CDC42BPA: variants seen among roughly 807,000 people sequenced by gnomAD.
CDC42BPA encodes serine/threonine-protein kinase MRCK alpha.
Under a neutral mutation model 223.5 loss-of-function variants are expected in CDC42BPA, and 80 were observed. The observed-to-expected ratio is 0.36, with a 90% confidence interval of 0.30 to 0.43. The LOEUF (loss-of-function observed/expected upper bound fraction) is 0.43. Among genes scored for constraint, CDC42BPA ranks in the 20% least tolerant of loss-of-function variants. The pLI, the probability that CDC42BPA is intolerant of heterozygous loss-of-function variation, is 1.00. For synonymous variants in CDC42BPA, 694 were observed against 718.6 expected, an observed-to-expected ratio of 0.97 and a Z score of 0.55; for missense variants, 1,743 against 2,099.9, an observed-to-expected ratio of 0.83 and a Z score of 3.32.
intron 1 of CDC42BPA, among the ~76,000 whole-genome samples, chr1:227,285,532 C>T (rs560277277): frequency 4.6e-5 from 7 of 152,318 alleles, no homozygotes; most frequent in African/African-American, 1.7e-4. Context: ...TAGGCCAAAA[C>T]CAAGCCAGGT....
intron 3 of CDC42BPA, among the ~76,000 whole-genome samples, chr1:227,206,255 C>T (rs765665424): frequency 2.0e-5 from 3 of 152,070 alleles, no homozygotes; most frequent in Admixed American, 6.6e-5. Flanking sequence ...ATTTAGGAGG[C>T]TGTTGATAAA....
At chr1:227,004,919 A>G (rs781383690) in intron 35 of CDC42BPA, 75 bp downstream of exon 35, 31 of 968,112 alleles carry the variant, frequency 3.2e-5, no homozygotes, top group Non-Finnish European at 1.0e-5. Flanking sequence ...AGGACATGTC[A>G]CCCACGGGAC....
At chr1:227,049,244 A>T (rs1420709769) in intron 22 of CDC42BPA, among the ~76,000 whole-genome samples, 1 of 148,972 alleles carries the variant, frequency 6.7e-6, no homozygotes, top group East Asian at 2.0e-4. Flanking sequence ...AAAAAAAATT[A>T]AGCAAGGGTG....
chr1:227,033,573 G>A (rs2148686017), intron 26 of CDC42BPA, among the ~76,000 whole-genome samples, 158 bp from the exon 27 acceptor site: 1 of 152,162 alleles, frequency 6.6e-6, no homozygotes, highest in South Asian at 2.1e-4. Flanking sequence ...AATTAATAGT[G>A]CCCCAAATAA....
chr1:227,048,315 T>C (rs16846872), intron 22 of CDC42BPA, among the ~76,000 whole-genome samples: 23,462 of 151,958 alleles, frequency 0.15, 2,200 homozygotes, highest in African/African-American at 0.25. Context: ...GTGGCCTACA[T>C]AAATATGAGG....
intron 10 of CDC42BPA, among the ~76,000 whole-genome samples, chr1:227,134,668 C>T (rs6700137): frequency 0.72 from 108,963 of 152,078 alleles, 39,236 homozygotes; most frequent in South Asian, 0.86. Context: ...ACTCAATAAA[C>T]AGCTAATAAA....
intron 2 of CDC42BPA, among the ~76,000 whole-genome samples, chr1:227,213,777 G>C (rs1365360163): frequency 6.6e-6 from 1 of 151,492 alleles, no homozygotes; most frequent in African/African-American, 2.4e-5. Flanking sequence ...ATATACATAC[G>C]CATAGAGAGC....
intron 10 of CDC42BPA, among the ~76,000 whole-genome samples, chr1:227,132,401 G>C (rs7415650): frequency 6.6e-6 from 1 of 151,206 alleles, no homozygotes; most frequent in Non-Finnish European, 1.5e-5. Context: ...CCGAGGTGCC[G>C]GGATTGCAGA....
intron 5 of CDC42BPA, among the ~76,000 whole-genome samples, chr1:227,163,138 G>GTTTCCAAACATA: frequency 1.3e-5 from 1 of 76,830 alleles, no homozygotes; most frequent in African/African-American, 4.8e-5. Flanking sequence ...ACATATGTGT[G>GTTTCCAAACATA]TGTATGTTTC....
rs1246220788 is a variant in CDC42BPA, at chr1:227,317,805, G to C, written c.-623C>G. ...GGTCCCTGAAGCAGCCCCTCGGCTC[G>C]GAGCACGCCAAGTCTTGCCCGGAGG... On this transcript the variant is annotated 5_prime_UTR_variant, in exon 1 of 37. Transcript: ENST00000366766. 2 of 398,550 alleles carry C rather than the reference G, an allele frequency of 5.0e-6. No individual in the cohort carries two copies. The highest frequency in any genetic ancestry group is 2.1e-5 in the African/African-American group (1 of 48,644). The allele number at this position is 398,550 out of a possible 1,614,324, so 24.7% of individuals were successfully genotyped here. A position where few individuals can be genotyped will look rare whatever the true frequency, so the allele number is the denominator to read the frequency against.
At chr1:227,117,137 T>C (rs629571) in intron 12 of CDC42BPA, among the ~76,000 whole-genome samples, 10,532 of 152,202 alleles carry the variant, frequency 0.069, 557 homozygotes, top group East Asian at 0.25. Context: ...TCTCTTGGGG[T>C]AAGACTTGGC....
chr1:227,039,348 A>G (rs1296323618), intron 24 of CDC42BPA, among the ~76,000 whole-genome samples: 3 of 152,124 alleles, frequency 2.0e-5, no homozygotes, highest in African/African-American at 7.2e-5. Context: ...GTTTATTTTT[A>G]TTTTTAAATT....
chr1:226,998,492 G>A (rs181568744), intron 35 of CDC42BPA, among the ~76,000 whole-genome samples: 44 of 152,086 alleles, frequency 2.9e-4, no homozygotes, highest in Admixed American at 1.4e-3. Context: ...GTAATGCCAC[G>A]TATCTACAAC....
At chr1:227,156,535 G>T (rs1394488068) in intron 6 of CDC42BPA, among the ~76,000 whole-genome samples, 1 of 151,536 alleles carries the variant, frequency 6.6e-6, no homozygotes, top group Admixed American at 6.6e-5. Context: ...TTATGTCCAA[G>T]AAAACCATTT....
chr1:227,287,221 A>ACTGTTT (rs1326838280), intron 1 of CDC42BPA, among the ~76,000 whole-genome samples: 1 of 152,168 alleles, frequency 6.6e-6, no homozygotes, highest in East Asian at 1.9e-4. Flanking sequence ...CTCCAAAAGT[A>ACTGTTT]CTGTTTCGTA....
intron 21 of CDC42BPA, among the ~76,000 whole-genome samples, chr1:227,055,722 A>G (rs73091742): frequency 0.15 from 23,489 of 152,176 alleles, 2,199 homozygotes; most frequent in African/African-American, 0.25. Context: ...ATAAACATAC[A>G]TAAGTAGCAG....
At chr1:227,018,263 A>G (rs949578696) in intron 32 of CDC42BPA, among the ~76,000 whole-genome samples, 1 of 152,114 alleles carries the variant, frequency 6.6e-6, no homozygotes, top group African/African-American at 2.4e-5. Flanking sequence ...CAAATTTGGA[A>G]TTTGAGAATT....
chr1:227,169,367 ACT>A, intron 5 of CDC42BPA, among the ~76,000 whole-genome samples: 1 of 151,348 alleles, frequency 6.6e-6, no homozygotes, highest in African/African-American at 2.4e-5. Flanking sequence ...AATTTCTGAA[ACT>A]CTGGATTCTT....
intron 23 of CDC42BPA, 119 bp downstream of exon 23, chr1:227,047,808 T>C: frequency 1.7e-6 from 1 of 605,532 alleles, no homozygotes; most frequent in Admixed American, 2.9e-5. Context: ...TAATTTATTT[T>C]ATAAGTTTTT....
Sources: allele counts gnomAD v4.1 joint callset (sites outside exome capture counted in the v4.1 genomes callset), GRCh38; gene constraint gnomAD v4.1.1; transcripts MANE v1.5; gene names NCBI Gene and HGNC (gene_info 2026-07-23, HGNC 2026-07-21).